DNAH14: variants seen among roughly 807,000 people sequenced by gnomAD.
DNAH14 encodes the protein axonemal beta dynein heavy chain 14.
In DNAH14, 478 loss-of-function variants were observed where a neutral mutation model predicts 520.9. The observed-to-expected ratio is 0.92, with a 90% CI of 0.85 to 0.99. The LOEUF (loss-of-function observed/expected upper bound fraction) is 0.99. Ranked by LOEUF, DNAH14 falls within the 50% of genes least tolerant of loss-of-function variation. DNAH14 has a pLI of 0.00. For missense variants in DNAH14, 4,831 were observed against 5,234.5 expected (o/e 0.92, Z 2.38); for synonymous variants, 1,581 against 1,757.2 (o/e 0.90, Z 2.51).
rs1386918405 is a variant in DNAH14, at chr1:225,140,964, T to C, written c.4451T>C (p.Ile1484Thr). 47 of 1,551,000 alleles carry C rather than the reference T, an allele frequency of 3.0e-5. No homozygotes were observed. The highest frequency in any genetic ancestry group is 7.3e-5 in the East Asian group (3 of 40,890). The change falls in exon 28 of 86, where the codon ATA becomes ACA. Residue 1484 changes from isoleucine (I) to threonine (T), a missense_variant. Coordinates refer to ENST00000682510, the MANE Select transcript of DNAH14 (RefSeq NM_001367479.1). ...LLILYVHCRD[I>T]VINLLLKNIF... ...ATCCTTTATGTTCACTGCAGAGATA[T>C]AGTGATAAATTTACTACTTAAAAAT...
chr1:225,129,510 G>A (rs1043614131), intron 27 of DNAH14, among the ~76,000 whole-genome samples: 105 of 152,010 alleles, frequency 6.9e-4, no homozygotes, highest in African/African-American at 2.1e-3. Flanking sequence ...CAGAAATAAT[G>A]CCGCATATCT....
chr1:224,992,807 A>T (rs144679373), intron 8 of DNAH14, among the ~76,000 whole-genome samples: 2 of 152,050 alleles, frequency 1.3e-5, no homozygotes, highest in African/African-American at 2.4e-5. Flanking sequence ...ATTTTTTACT[A>T]TGCTTACCAA....
chr1:224,944,188 C>G (rs1203550934), intron 1 of DNAH14, among the ~76,000 whole-genome samples: 7 of 152,160 alleles, frequency 4.6e-5, no homozygotes, highest in Admixed American at 6.5e-5. Flanking sequence ...CCTGTATTGG[C>G]TGCATATATA....
chr1:225,187,797 T>A (rs188532898), intron 37 of DNAH14, among the ~76,000 whole-genome samples: 3 of 152,036 alleles, frequency 2.0e-5, no homozygotes, highest in Admixed American at 6.6e-5. Flanking sequence ...ATTGTTATCT[T>A]TTTGTTGTTC....
intron 36 of DNAH14, 26 bp downstream of exon 36, chr1:225,168,054 A>G (rs762971077): frequency 3.9e-6 from 5 of 1,266,276 alleles, no homozygotes; most frequent in African/African-American, 1.5e-5. Context: ...CATGTTAGCA[A>G]TCCTTTGCCT....
intron 8 of DNAH14, among the ~76,000 whole-genome samples, chr1:224,986,335 A>AG (rs1558603287): frequency 1.3e-5 from 2 of 149,206 alleles, no homozygotes; most frequent in Admixed American, 6.6e-5. Context: ...AAAAAAAAAA[A>AG]AAAGAAAACT....
intron 41 of DNAH14, among the ~76,000 whole-genome samples, chr1:225,224,160 TAC>T (rs1193820062): frequency 1.3e-5 from 2 of 152,078 alleles, no homozygotes; most frequent in African/African-American, 4.8e-5. Context: ...TGGGCATAAC[TAC>T]TGATAAGTTA....
At position 225,038,711 on chromosome 1, in the gene DNAH14, C is replaced by T; in HGVS notation, c.1376C>T (p.Ser459Phe). 6.5e-7 allele frequency: 1 copy of T among 1,531,264 alleles called. No individual in the cohort carries two copies. Among genetic ancestry groups the T allele is most frequent in the Non-Finnish European group, 8.8e-7 (1 of 1,141,170 alleles). The allele number at this position is 1,531,264 out of a possible 1,614,324, so 94.9% of individuals were successfully genotyped here. A position where few individuals can be genotyped will look rare whatever the true frequency, so the allele number is the denominator to read the frequency against. The change falls in exon 12 of 86, where the codon TCT becomes TTT. Residue 459 changes from serine to phenylalanine, a missense_variant. By Grantham distance (155) the Ser-to-Phe change is radical. Coordinates refer to ENST00000682510, the MANE Select transcript of DNAH14 (RefSeq NM_001367479.1). ...TAATCCAGAACATTCAAGGACAACT[C>T]TTTTCCTACTGGAAAGACAACAAAT... is the stretch of plus-strand genomic sequence containing the variant. Reference protein sequence around the residue: ...ENLIRTFKDNSFPTGKTTNDC... With the variant: ...ENLIRTFKDNFFPTGKTTNDC...
intron 61 of DNAH14, 77 bp from the exon 62 acceptor site, chr1:225,322,587 A>T: frequency 2.3e-6 from 3 of 1,326,010 alleles, no homozygotes; most frequent in Non-Finnish European, 3.0e-6. Flanking sequence ...ATCTGTGTAT[A>T]TTGTCTTCTG....
intron 1 of DNAH14, among the ~76,000 whole-genome samples, chr1:224,942,412 G>A (rs374232914): frequency 5.3e-5 from 8 of 152,134 alleles, no homozygotes; most frequent in Non-Finnish European, 1.0e-4. Flanking sequence ...GGGCTGAGAC[G>A]ATGGGGTTTT....
chr1:225,106,490 C>T (rs1365678311), intron 23 of DNAH14, among the ~76,000 whole-genome samples: 1 of 152,174 alleles, frequency 6.6e-6, no homozygotes, highest in Non-Finnish European at 1.5e-5. Context: ...CAACTTGGTT[C>T]CATTCTCCCT....
chr1:224,934,761 T>A (rs558591181), intron 1 of DNAH14, among the ~76,000 whole-genome samples: 5 of 151,868 alleles, frequency 3.3e-5, no homozygotes, highest in African/African-American at 9.6e-5. Flanking sequence ...AAAGATAGAA[T>A]CTTAAAAACA....
intron 17 of DNAH14, among the ~76,000 whole-genome samples, chr1:225,065,716 T>C (rs932001223): frequency 6.6e-6 from 1 of 152,120 alleles, no homozygotes; most frequent in African/African-American, 2.4e-5. Context: ...TTTTTAAAGC[T>C]GAATAGTATT....
At position 225,323,463 on chromosome 1, in the gene DNAH14, GTTTTGTTTTTTGTT is replaced by G. The variant is rs71170074; in HGVS notation, c.9495+657_9495+670del. Among the ~76,000 whole-genome samples, 74 of 152,060 alleles carry G rather than the reference GTTTTGTTTTTTGTT, an allele frequency of 4.9e-4. 1 individual carries two copies. The South Asian group carries it at 0.015, about 31-fold the overall frequency. On this transcript the variant is annotated intron_variant, in intron 62 of 85. Coordinates refer to ENST00000682510, the MANE Select transcript of DNAH14 (RefSeq NM_001367479.1). ...TGATACTAGGTTTTGTTGTTGTTTT[GTTTTGTTTTTTGTT>G]TTTTGTTTTTTGTTTTGAGACGGAG... is the stretch of plus-strand genomic sequence containing the variant.
rs201301991 is a variant in DNAH14 at position 225,335,338 on chromosome 1, CAT to C, written c.10080+1833_10080+1834del. ...GTATATGCACATATACACGTGTGTA[CAT>C]GTGTGTGTATATGCATATACACGTG... On this transcript the variant is annotated intron_variant, in intron 66 of 85. Coordinates refer to ENST00000682510, the MANE Select transcript of DNAH14 (RefSeq NM_001367479.1). Among the ~76,000 whole-genome samples, 487 of 93,138 alleles carry C rather than the reference CAT, an allele frequency of 5.2e-3. 76 individuals carry two copies. The highest frequency in any genetic ancestry group is 0.02 in the African/African-American group (413 of 20,362). The allele number at this position is 93,138 out of a possible 152,430, so 61.1% of individuals were successfully genotyped here.
intron 80 of DNAH14, among the ~76,000 whole-genome samples, chr1:225,381,090 A>C (rs2095775804): frequency 6.6e-6 from 1 of 152,238 alleles, no homozygotes; most frequent in Non-Finnish European, 1.5e-5. Flanking sequence ...TGCCATAAGT[A>C]AAGCTTTACT....
chr1:225,061,781 G>T (rs994576837), intron 17 of DNAH14, among the ~76,000 whole-genome samples: 1 of 152,104 alleles, frequency 6.6e-6, no homozygotes, highest in African/African-American at 2.4e-5. Flanking sequence ...ACCACACCTG[G>T]CTGTATATTC....
intron 71 of DNAH14, among the ~76,000 whole-genome samples, chr1:225,348,872 C>A (rs976618274): frequency 1.3e-5 from 2 of 152,160 alleles, no homozygotes. Flanking sequence ...GTTACAAAAA[C>A]ATTTTTTAAT....
chr1:225,367,902 C>T lies in DNAH14; in HGVS notation c.12188C>T (p.Pro4063Leu). ...GTAACAGAAGAGATATTTGAAAATC[C>T]TGACTGTGGACAATGGTGGAAAAAA... ...GEVTEEIFEN[P>L]DCGQWWKKLL... Residue 4063 changes from proline (P) to leucine (L), a missense_variant, in exon 77 of 86, where the codon CCT (proline) becomes CTT (leucine). Coordinates refer to ENST00000682510, the MANE Select transcript of DNAH14 (RefSeq NM_001367479.1). The T allele has an allele frequency of 6.4e-7, 1 of 1,551,620 alleles. No homozygotes were observed. The highest frequency in any genetic ancestry group is 8.7e-7 in the Non-Finnish European group (1 of 1,146,938).
Sources: allele counts gnomAD v4.1 joint callset (sites outside exome capture counted in the v4.1 genomes callset), GRCh38; gene constraint gnomAD v4.1.1; transcripts MANE v1.5; gene names NCBI Gene and HGNC (gene_info 2026-07-23, HGNC 2026-07-21).